The following ADCY2 variants were observed in gnomAD, a reference collection of about 807,000 sequenced individuals.
ADCY2 encodes the protein adenylate cyclase 2.
ADCY2 carries 31 observed loss-of-function variants against 125.2 expected under a neutral mutation model. That is an observed-to-expected ratio of 0.25 (90% CI 0.19 to 0.33). The LOEUF (loss-of-function observed/expected upper bound fraction) is 0.33. Among genes scored for constraint, ADCY2 ranks in the 10% least tolerant of loss-of-function variants. ADCY2 has a pLI of 1.00. For synonymous variants in ADCY2, 512 were observed against 548.4 expected, an observed-to-expected ratio of 0.93 and a Z score of 0.93; for missense variants, 904 against 1,418.2, an observed-to-expected ratio of 0.64 and a Z score of 5.82.
chr5:7,808,402 A>T (rs112216170), intron 22 of ADCY2, among the ~76,000 whole-genome samples: 17 of 151,828 alleles, frequency 1.1e-4, no homozygotes, highest in African/African-American at 3.4e-4. Context: ...AGCTTCCTTC[A>T]CTCTGTTTTA....
chr5:7,419,365 A>G (rs908264679), intron 2 of ADCY2, among the ~76,000 whole-genome samples: 2 of 152,172 alleles, frequency 1.3e-5, no homozygotes, highest in African/African-American at 4.8e-5. Flanking sequence ...GAAAACCGCC[A>G]GACATGGAGC....
At chr5:7,651,468 C>G (rs979321121) in intron 4 of ADCY2, among the ~76,000 whole-genome samples, 1 of 152,118 alleles carries the variant, frequency 6.6e-6, no homozygotes, top group Admixed American at 6.6e-5. Context: ...GGTTGAAAGT[C>G]CAAGAGAACT....
chr5:7,399,016 A>G (rs1739163585), intron 1 of ADCY2, among the ~76,000 whole-genome samples: 1 of 152,202 alleles, frequency 6.6e-6, no homozygotes, highest in African/African-American at 2.4e-5. Context: ...TTGGGCTGGC[A>G]GGGCTTCGCT....
intron 17 of ADCY2, among the ~76,000 whole-genome samples, chr5:7,768,988 G>A (rs1027039867): frequency 1.4e-4 from 22 of 152,200 alleles, no homozygotes; most frequent in African/African-American, 5.3e-4. Context: ...TTGTGAGTGT[G>A]TGCCAAACAG....
At chr5:7,620,370 T>C (rs960130649) in intron 3 of ADCY2, among the ~76,000 whole-genome samples, 4 of 152,152 alleles carry the variant, frequency 2.6e-5, no homozygotes, top group Non-Finnish European at 4.4e-5. Context: ...ATTGTTGAGA[T>C]TGTTGGTGTT....
chr5:7,817,147 A>G (rs1296912395), intron 23 of ADCY2, among the ~76,000 whole-genome samples, 167 bp downstream of exon 23: 3 of 130,394 alleles, frequency 2.3e-5, no homozygotes. Flanking sequence ...ACAAATTAGA[A>G]AAAAAAAAAC....
chr5:7,434,828 C>T (rs185556619), intron 2 of ADCY2, among the ~76,000 whole-genome samples: 39 of 152,294 alleles, frequency 2.6e-4, no homozygotes, highest in Non-Finnish European at 4.7e-4. Context: ...ATGGTCTCAG[C>T]CAAGACTCTT....
At chr5:7,720,964 A>G (rs1741739194) in intron 12 of ADCY2, among the ~76,000 whole-genome samples, 1 of 152,238 alleles carries the variant, frequency 6.6e-6, no homozygotes, top group African/African-American at 2.4e-5. Flanking sequence ...TCCTTGAGGA[A>G]TCGCCACACT....
chr5:7,636,782 G>T (rs1486522648), intron 4 of ADCY2, among the ~76,000 whole-genome samples: 1 of 152,166 alleles, frequency 6.6e-6, no homozygotes, highest in Non-Finnish European at 1.5e-5. Context: ...AGAGGGTAAA[G>T]GAGTGACCAC....
chr5:7,438,631 G>C (rs1243484656), intron 2 of ADCY2, among the ~76,000 whole-genome samples: 2 of 152,180 alleles, frequency 1.3e-5, no homozygotes, highest in Non-Finnish European at 2.9e-5. Flanking sequence ...TCTGAGTTTG[G>C]TTTTACTGCT....
intron 14 of ADCY2, among the ~76,000 whole-genome samples, chr5:7,730,967 C>A (rs1742083274): frequency 6.6e-6 from 1 of 152,124 alleles, no homozygotes; most frequent in Admixed American, 6.5e-5. Context: ...CTATCTCTTA[C>A]ATGTTGCTGT....
intron 12 of ADCY2, among the ~76,000 whole-genome samples, chr5:7,718,882 T>C (rs1261549340): frequency 6.6e-6 from 1 of 152,116 alleles, no homozygotes; most frequent in Non-Finnish European, 1.5e-5. Flanking sequence ...GGTGGAAGGA[T>C]GCTTTCACTG....
chr5:7,617,267 A>C (rs1656821030), intron 3 of ADCY2, among the ~76,000 whole-genome samples: 1 of 152,050 alleles, frequency 6.6e-6, no homozygotes, highest in Non-Finnish European at 1.5e-5. Context: ...TGAGCTGATA[A>C]ATTTCTGTTT....
At chr5:7,491,277 A>C (rs757493797) in intron 2 of ADCY2, among the ~76,000 whole-genome samples, 2 of 151,932 alleles carry the variant, frequency 1.3e-5, no homozygotes, top group Non-Finnish European at 2.9e-5. Flanking sequence ...TTTGAGACAC[A>C]GTCTTGCTCT....
intron 4 of ADCY2, among the ~76,000 whole-genome samples, chr5:7,636,917 C>T (rs1243145530): frequency 6.6e-6 from 1 of 152,122 alleles, no homozygotes; most frequent in Non-Finnish European, 1.5e-5. Context: ...AGTGAGTTCC[C>T]ACAGCTCTTC....
At chr5:7,645,746 CA>C (rs1738874409) in intron 4 of ADCY2, among the ~76,000 whole-genome samples, 1 of 152,090 alleles carries the variant, frequency 6.6e-6, no homozygotes, top group African/African-American at 2.4e-5. Context: ...ACAGGCTTTC[CA>C]AATAACCATG....
intron 3 of ADCY2, among the ~76,000 whole-genome samples, chr5:7,560,419 AAAGC>A (rs1433658245): frequency 3.3e-5 from 5 of 152,216 alleles, no homozygotes; most frequent in African/African-American, 9.6e-5. Flanking sequence ...TCAATTTTAA[AAAGC>A]AATTAAAAAA....
At chr5:7,623,519 C>A (rs1288557778) in intron 3 of ADCY2, among the ~76,000 whole-genome samples, 1 of 152,204 alleles carries the variant, frequency 6.6e-6, no homozygotes, top group Non-Finnish European at 1.5e-5. Context: ...GTGCTGAAAT[C>A]AACTCCTGTT....
chr5:7,652,488 T>C (rs1344917997), intron 4 of ADCY2, among the ~76,000 whole-genome samples: 1 of 152,236 alleles, frequency 6.6e-6, no homozygotes, highest in Non-Finnish European at 1.5e-5. Context: ...CAGAGAACTA[T>C]CCCTTTCATC....
Sources: allele counts gnomAD v4.1 joint callset (sites outside exome capture counted in the v4.1 genomes callset), GRCh38; gene constraint gnomAD v4.1.1; transcripts MANE v1.5; gene names NCBI Gene and HGNC (gene_info 2026-07-23, HGNC 2026-07-21).